Variants in DPP6 observed in about 807,000 individuals in gnomAD.
DPP6 encodes dipeptidyl peptidase like 6.
Under a neutral mutation model 122.6 loss-of-function variants are expected in DPP6, and 69 were observed. The ratio of observed to expected loss-of-function variants is 0.56; its 90% confidence interval spans 0.46 to 0.69. The LOEUF (loss-of-function observed/expected upper bound fraction) is 0.69, where lower values mean the gene tolerates loss of function less well. Among genes scored for constraint, DPP6 ranks in the 30% least tolerant of loss-of-function variants. The pLI is 0.00. For missense variants in DPP6, 928 were observed against 1,116.9 expected, an observed-to-expected ratio of 0.83 and a Z score of 2.41; for synonymous variants, 418 against 433.1, an observed-to-expected ratio of 0.97 and a Z score of 0.43.
intron 1 of DPP6, among the ~76,000 whole-genome samples, chr7:153,929,767 T>C (rs1018068146): frequency 4.6e-5 from 7 of 152,256 alleles, no homozygotes; most frequent in Non-Finnish European, 7.3e-5. Flanking sequence ...CTTTTCTTGC[T>C]AAATTACTGT....
intron 3 of DPP6, among the ~76,000 whole-genome samples, chr7:154,499,946 G>A (rs997062281): frequency 2.6e-5 from 4 of 152,162 alleles, no homozygotes; most frequent in African/African-American, 7.2e-5. Flanking sequence ...GGCACATGGG[G>A]TGACATCCAG....
rs75032400 is a variant in DPP6, at chr7:154,399,187, C to T, written c.244-47027C>T. On this transcript the variant is annotated intron_variant, in intron 1 of 25. Coordinates refer to ENST00000377770, the MANE Select transcript of DPP6 (RefSeq NM_130797.4). ...AGCCACACTATCTCTAGAGTCACCA[C>T]CTTCCTTTTTTAAAGAAAGAGGGAA... 0.012 allele frequency among the ~76,000 whole-genome samples: 1,863 copies of T among 152,248 alleles called. 61 individuals are homozygous for T. In the East Asian group the frequency reaches 0.13, roughly 11 times the overall value.
At chr7:153,792,688 GTTTAT>G in the DPP6 span, among the ~76,000 whole-genome samples, 11 of 151,320 alleles carry the variant, frequency 7.3e-5, no homozygotes, top group Non-Finnish European at 1.3e-4. Context: ...AGGATTGGAA[GTTTAT>G]TTTAAAAGGC....
intron 6 of DPP6, among the ~76,000 whole-genome samples, chr7:154,656,310 G>A (rs1481761746): frequency 5.4e-4 from 3 of 5,510 alleles, no homozygotes; most frequent in African/African-American, 8.4e-4. Flanking sequence ...CTGGGAGAAG[G>A]GGCAGTCGAG....
chr7:153,982,627 G>A (rs947986345), intron 1 of DPP6, among the ~76,000 whole-genome samples: 13 of 151,610 alleles, frequency 8.6e-5, no homozygotes, highest in Admixed American at 4.6e-4. Flanking sequence ...GAGGAATTCC[G>A]GTTTTTGGAA....
At chr7:154,305,055 CCCCAGCCCCAGCCCCAGCCCCAG>C (rs1806190353) in intron 1 of DPP6, 1 of 100,448 alleles carries the variant, frequency 1.0e-5, no homozygotes, top group African/African-American at 5.2e-5. Flanking sequence ...CCAGCCCCAG[CCCCAGCCCCAGCCCCAGCCCCAG>C]CCCCAGCCCG....
intron 1 of DPP6, among the ~76,000 whole-genome samples, chr7:154,239,818 C>CAAA (rs146860382): frequency 2.2e-4 from 20 of 91,812 alleles, no homozygotes; most frequent in African/African-American, 4.8e-4. Context: ...ACTAAAACTA[C>CAAA]AAAAAAAAAA....
chr7:154,371,603 C>T (rs755339678), intron 1 of DPP6, among the ~76,000 whole-genome samples: 1 of 152,024 alleles, frequency 6.6e-6, no homozygotes, highest in Non-Finnish European at 1.5e-5. Flanking sequence ...CCCTGCATCC[C>T]GCTGTCCTGA....
intron 16 of DPP6, among the ~76,000 whole-genome samples, chr7:154,823,496 C>T (rs1799938373): frequency 6.6e-6 from 1 of 152,190 alleles, no homozygotes; most frequent in Admixed American, 6.5e-5. Context: ...TGTGTCTTCT[C>T]TATTACTTCA....
chr7:154,196,067 G>A (rs762583912), intron 1 of DPP6, among the ~76,000 whole-genome samples: 1 of 152,086 alleles, frequency 6.6e-6, no homozygotes, highest in African/African-American at 2.4e-5. Context: ...TATCATTTTC[G>A]CTCCATCGGA....
At chr7:154,536,644 C>G (rs182223844) in intron 3 of DPP6, among the ~76,000 whole-genome samples, 1 of 152,056 alleles carries the variant, frequency 6.6e-6, no homozygotes, top group African/African-American at 2.4e-5. Context: ...CCAAACCCTT[C>G]GTGAAGGAAA....
intron 8 of DPP6, among the ~76,000 whole-genome samples, chr7:154,761,226 C>G (rs1795531672): frequency 6.6e-6 from 1 of 152,238 alleles, no homozygotes; most frequent in Non-Finnish European, 1.5e-5. Flanking sequence ...GCTCTTTCCT[C>G]CTCTGCTCTG....
At chr7:154,237,026 T>G (rs910563205) in intron 1 of DPP6, among the ~76,000 whole-genome samples, 1 of 152,154 alleles carries the variant, frequency 6.6e-6, no homozygotes, top group Non-Finnish European at 1.5e-5. Flanking sequence ...CACTTAGACA[T>G]TCTCAGAGTC....
chr7:154,423,136 T>C (rs761665939), intron 1 of DPP6, among the ~76,000 whole-genome samples: 3 of 152,164 alleles, frequency 2.0e-5, no homozygotes, highest in Non-Finnish European at 4.4e-5. Flanking sequence ...TAAGAACAGA[T>C]TTTAATCAGC....
chr7:154,841,828 C>G (rs1801572453), intron 16 of DPP6, among the ~76,000 whole-genome samples: 1 of 151,956 alleles, frequency 6.6e-6, no homozygotes, highest in Non-Finnish European at 1.5e-5. Context: ...TCCCTGGACA[C>G]ATAAAATTGG....
At chr7:154,795,814 C>G (rs1377466357) in intron 11 of DPP6, 31 bp from the exon 12 acceptor site, 57 of 1,593,490 alleles carry the variant, frequency 3.6e-5, no homozygotes, top group Non-Finnish European at 4.8e-5. Flanking sequence ...AAAGAAAAAC[C>G]CTCTTGTCTA....
chr7:153,757,618 C>G, the DPP6 span, among the ~76,000 whole-genome samples: 3 of 152,164 alleles, frequency 2.0e-5, no homozygotes, highest in Admixed American at 6.5e-5. Flanking sequence ...ATTCAACCAG[C>G]CTTCAGGGTC....
intron 5 of DPP6, among the ~76,000 whole-genome samples, chr7:154,593,742 G>A (rs968246324): frequency 2.6e-5 from 4 of 152,256 alleles, no homozygotes; most frequent in East Asian, 1.9e-4. Flanking sequence ...CTTTCCACAC[G>A]CATGGCTCTG....
chr7:154,387,636 A>C (rs1814232080), intron 1 of DPP6, among the ~76,000 whole-genome samples: 1 of 152,136 alleles, frequency 6.6e-6, no homozygotes, highest in Admixed American at 6.5e-5. Context: ...TGTCTCCTTC[A>C]CCAGCCCCCA....
Sources: allele counts gnomAD v4.1 joint callset (sites outside exome capture counted in the v4.1 genomes callset), GRCh38; gene constraint gnomAD v4.1.1; transcripts MANE v1.5; gene names NCBI Gene and HGNC (gene_info 2026-07-23, HGNC 2026-07-21).